DOCK7: variants seen among roughly 807,000 people sequenced by gnomAD.
The protein encoded by DOCK7 is dedicator of cytokinesis protein 7.
Under a neutral mutation model 271.0 loss-of-function variants are expected in DOCK7, and 138 were observed. The observed-to-expected ratio is 0.51, with a 90% confidence interval of 0.44 to 0.59. The LOEUF is 0.59. Among genes scored for constraint, DOCK7 ranks in the 20% least tolerant of loss-of-function variants. The pLI is 0.00. For synonymous variants in DOCK7, 823 were observed against 876.1 expected, an observed-to-expected ratio of 0.94 and a Z score of 1.07; for missense variants, 2,066 against 2,592.4, an observed-to-expected ratio of 0.80 and a Z score of 4.41.
intron 42 of DOCK7, chr1:62,488,072 AAAG>A (rs1646348827): frequency 6.6e-6 from 1 of 152,330 alleles, no homozygotes; most frequent in Non-Finnish European, 1.5e-5. Flanking sequence ...TCATTGCAAA[AAAG>A]AAGAGGTCAA....
chr1:62,470,637 T>C (rs943514470), intron 48 of DOCK7, among the ~76,000 whole-genome samples: 4 of 151,824 alleles, frequency 2.6e-5, no homozygotes, highest in Admixed American at 2.0e-4. Context: ...CTACTAAAAA[T>C]ACAAAAATTA....
chr1:62,584,587 A>G (rs1647281451), intron 15 of DOCK7: 2 of 1,210,098 alleles, frequency 1.7e-6, no homozygotes, highest in Middle Eastern at 3.3e-4. Context: ...TATTTTCATA[A>G]TATGACATAA....
chr1:62,474,161 G>T, intron 47 of DOCK7, 73 bp from the exon 48 acceptor site: 3 of 1,308,846 alleles, frequency 2.3e-6, no homozygotes, highest in South Asian at 2.5e-5. Flanking sequence ...TTACTCAAAT[G>T]ATTTTTCTTA....
At chr1:62,568,044 A>G (rs546060778) in intron 18 of DOCK7, among the ~76,000 whole-genome samples, 6 of 152,320 alleles carry the variant, frequency 3.9e-5, no homozygotes, top group South Asian at 2.1e-4. Context: ...AACTGAAATA[A>G]TAACAAACAG....
intron 18 of DOCK7, among the ~76,000 whole-genome samples, chr1:62,569,348 T>A (rs1646689560): frequency 6.6e-6 from 1 of 152,104 alleles, no homozygotes; most frequent in Non-Finnish European, 1.5e-5. Context: ...AATAAAATAC[T>A]GGCAAACCAA....
intron 48 of DOCK7, chr1:62,458,428 C>T (rs942443887): frequency 1.3e-5 from 2 of 152,026 alleles, no homozygotes; most frequent in East Asian, 1.9e-4. Flanking sequence ...TTTCACATCA[C>T]CACTTGACTA....
intron 19 of DOCK7, among the ~76,000 whole-genome samples, chr1:62,560,535 T>G (rs1008452015): frequency 6.6e-5 from 10 of 152,128 alleles, no homozygotes; most frequent in African/African-American, 2.4e-4. Flanking sequence ...TGTTCTCTAT[T>G]TAGGGTAGAA....
chr1:62,504,923 T>G, intron 36 of DOCK7, 141 bp from the exon 37 acceptor site: 2 of 1,047,358 alleles, frequency 1.9e-6, no homozygotes, highest in Non-Finnish European at 2.7e-6. Flanking sequence ...TAATGGTTAA[T>G]AGTGTGAGAC....
intron 14 of DOCK7, chr1:62,598,691 T>A: frequency 6.4e-7 from 1 of 1,563,676 alleles, no homozygotes; most frequent in African/African-American, 1.4e-5. Flanking sequence ...ACTCTCTATA[T>A]CCAGACTTTT....
intron 9 of DOCK7, 101 bp from the exon 10 acceptor site, chr1:62,633,679 GA>G: frequency 5.3e-6 from 4 of 760,296 alleles, no homozygotes; most frequent in South Asian, 3.5e-5. Flanking sequence ...CAGAATGACA[GA>G]AAAAAATATA....
At chr1:62,557,749 T>C (rs1336350258) in intron 20 of DOCK7, among the ~76,000 whole-genome samples, 1 of 151,646 alleles carries the variant, frequency 6.6e-6, no homozygotes, top group African/African-American at 2.4e-5. Flanking sequence ...ACTATTATTT[T>C]ACTTATATAA....
intron 37 of DOCK7, among the ~76,000 whole-genome samples, chr1:62,496,959 C>T (rs1388049339): frequency 6.6e-6 from 1 of 151,938 alleles, no homozygotes; most frequent in Non-Finnish European, 1.5e-5. Flanking sequence ...TGGAGTGATG[C>T]CTTTAACAGT....
At chr1:62,680,471 G>A (rs991929899) in intron 1 of DOCK7, among the ~76,000 whole-genome samples, 9 of 151,502 alleles carry the variant, frequency 5.9e-5, no homozygotes, top group Non-Finnish European at 1.0e-4. Flanking sequence ...TCAGGACATA[G>A]GCATGGGCAA....
chr1:62,659,679 C>T (rs1399058736), intron 2 of DOCK7, among the ~76,000 whole-genome samples: 1 of 151,924 alleles, frequency 6.6e-6, no homozygotes, highest in Non-Finnish European at 1.5e-5. Context: ...AATAACACAA[C>T]ATAGGTAGGT....
At chr1:62,477,624 A>G in intron 44 of DOCK7, 76 bp downstream of exon 44, 1 of 1,444,340 alleles carries the variant, frequency 6.9e-7, no homozygotes, top group Non-Finnish European at 9.2e-7. Context: ...AAATGATTAG[A>G]TCTGGATCTG....
At chr1:62,505,850 T>C (rs1412440917) in intron 35 of DOCK7, 34 bp from the exon 36 acceptor site, 1 of 1,598,504 alleles carries the variant, frequency 6.3e-7, no homozygotes, top group South Asian at 1.1e-5. Flanking sequence ...AAAATAGAGA[T>C]GTACTTGCAA....
chr1:62,539,448 A>G (rs1645454564), intron 27 of DOCK7, 97 bp downstream of exon 27: 5 of 1,043,668 alleles, frequency 4.8e-6, no homozygotes, highest in Non-Finnish European at 7.0e-6. Context: ...ACATCAGTAT[A>G]TAAATGTGCT....
Position 62,648,524 on chromosome 1 carries a change from C to A in DOCK7, c.410G>T (p.Gly137Val). ...VIRKYHKLGT[G>V]FNPNTLDKQK... ...TTTATCTAATGTATTGGGATTAAAT[C>A]CTGTTCCCAATTTATGATATCTATT... The change falls in exon 5 of 50, where the codon GGA becomes GTA. Residue 137 changes from glycine (G) to valine (V), a missense_variant. Gly to Val is a moderately radical substitution (Grantham distance 109, BLOSUM62 -3). Transcript: ENST00000635253. The A allele has an allele frequency of 1.5e-6, 2 of 1,372,148 alleles. No individual in the cohort carries two copies. Among genetic ancestry groups the A allele is most frequent in the Non-Finnish European group, 1.9e-6 (2 of 1,031,236 alleles). The allele number at this position is 1,372,148 out of a possible 1,614,324, so 85.0% of individuals were successfully genotyped here.
At position 62,663,145 on chromosome 1, in the gene DOCK7, G is replaced by A. The variant is rs372652858; in HGVS notation, c.39-15C>T. The A allele has an allele frequency of 9.2e-5, 141 of 1,532,724 alleles. 1 individual carries two copies. In the African/African-American group the frequency reaches 1.6e-3, roughly 18 times the overall value. The allele number at this position is 1,532,724 out of a possible 1,614,324, so 94.9% of individuals were successfully genotyped here. A position where few individuals can be genotyped will look rare whatever the true frequency, so the allele number is the denominator to read the frequency against. On this transcript the variant is annotated splice_polypyrimidine_tract_variant and intron_variant, in intron 1 of 49. Transcript: ENST00000635253. The stretch of plus-strand genomic sequence containing the variant: ...CTGCCACCGTTCTACAATGAAGAAA[G>A]CAAAAACATACGCATTATTGAAAAA...
Sources: gnomAD v4.1 joint callset for allele counts (sites outside exome capture counted in the v4.1 genomes callset) on GRCh38, gnomAD v4.1.1 for gene constraint, MANE v1.5 for transcripts, NCBI Gene and HGNC (gene_info 2026-07-23, HGNC 2026-07-21) for gene names.